SCRIB: variants seen among roughly 807,000 people sequenced by gnomAD.
The protein encoded by SCRIB is scribble planar cell polarity protein.
In SCRIB, 72 loss-of-function variants were observed where a neutral mutation model predicts 170.0. The observed-to-expected ratio is 0.42, with a 90% CI of 0.35 to 0.52. SCRIB has a LOEUF of 0.52. Ranked by LOEUF, SCRIB falls within the 20% of genes least tolerant of loss-of-function variation. The pLI is 0.02. For missense variants in SCRIB, 2,475 were observed against 2,338.5 expected (o/e 1.06, Z -1.20); for synonymous variants, 1,298 against 1,044.3 (o/e 1.24, Z -4.68).
chr8:143,807,150 C>T, intron 16 of SCRIB, 137 bp from the exon 17 acceptor site: 1 of 669,038 alleles, frequency 1.5e-6, no homozygotes, highest in Non-Finnish European at 2.6e-6. Context: ...TGCCACTCAC[C>T]AGCCAGGGCC....
chr8:143,802,182 C>G (rs1056642342), intron 24 of SCRIB, among the ~76,000 whole-genome samples: 19 of 152,396 alleles, frequency 1.2e-4, no homozygotes, highest in Non-Finnish European at 1.3e-4. Context: ...AGGACTCCCT[C>G]AAGGACAGGA....
chr8:143,792,262 C>A lies in SCRIB; in HGVS notation c.4472G>T (p.Arg1491Leu). 6.4e-7 allele frequency: 1 copy of A among 1,571,682 alleles called. No homozygotes were observed. The highest frequency in any genetic ancestry group is 8.6e-7 in the Non-Finnish European group (1 of 1,166,172). ...PERALSPAEL[R>L]ALEAEKRALW... ...CGCACGCTTCTCGGCCTCCAGGGCC[C>A]GGAGCTCGGCAGGGGACAGGGCACG... Residue 1491 changes from arginine (R) to leucine (L), a missense_variant, in exon 32 of 37, where the codon CGG becomes CTG. Transcript: ENST00000356994.
intron 34 of SCRIB, 39 bp downstream of exon 34, chr8:143,791,837 C>A: frequency 6.5e-7 from 1 of 1,538,474 alleles, no homozygotes; most frequent in Admixed American, 2.0e-5. Flanking sequence ...ACCCCCATGC[C>A]TCGGGGGTGA....
rs782722539 is a variant in SCRIB, at chr8:143,805,216, G to C, written c.2566C>G (p.Pro856Ala). 6 of 1,560,964 alleles carry C rather than the reference G, an allele frequency of 3.8e-6. No individual in the cohort carries two copies. The highest frequency in any genetic ancestry group is 4.3e-6 in the Non-Finnish European group (5 of 1,157,932). Residue 856 changes from proline to alanine, a missense_variant, in exon 19 of 37, where the codon CCC (proline) becomes GCC (alanine). This residue lies in a region of SCRIB where 1,966 missense variants were observed against 1,742.9 expected (regional missense o/e 1.13). Coordinates refer to ENST00000356994, the MANE Select transcript of SCRIB (RefSeq NM_182706.5). ...LPLLPPESPG[P>A]LRQRHVACLA... ...CAGGCCACGTGGCGCTGACGGAGGGGCCCGGGGCTCTCAGGCGGGAGCAGG... is the reference window on the plus strand; with the variant it reads ...CAGGCCACGTGGCGCTGACGGAGGGCCCCGGGGCTCTCAGGCGGGAGCAGG...
chr8:143,809,505 C>T, intron 14 of SCRIB, 46 bp downstream of exon 14: 1 of 1,580,756 alleles, frequency 6.3e-7, no homozygotes, highest in Non-Finnish European at 8.6e-7. Flanking sequence ...GAGGCAGCCC[C>T]CACCCAGCAG....
In SCRIB at chr8:143,790,992, G is replaced by A. The variant is rs969764246; in HGVS notation, c.*171C>T. 3 of 573,156 alleles carry A rather than the reference G, an allele frequency of 5.2e-6. No individual in the cohort carries two copies. Among genetic ancestry groups the A allele is most frequent in the African/African-American group, 3.9e-5 (2 of 51,474 alleles). The allele number at this position is 573,156 out of a possible 1,614,324, so 35.5% of individuals were successfully genotyped here. On this transcript the variant is annotated 3_prime_UTR_variant, in exon 37 of 37. Transcript: ENST00000356994. Reference sequence around the variant, plus strand: ...GTCTTTGGTTGTACAAACATCACTAGTTACAGTCTCGCCGAGGTCTCGGCT... The same window carrying A: ...GTCTTTGGTTGTACAAACATCACTAATTACAGTCTCGCCGAGGTCTCGGCT...
chr8:143,808,653 C>T lies in SCRIB; in HGVS notation c.2071G>A (p.Glu691Lys), dbSNP rs763641190. The T allele has an allele frequency of 5.3e-6, 8 of 1,521,836 alleles. No individual in the cohort carries two copies. Among genetic ancestry groups the T allele is most frequent in the East Asian group, 4.5e-5 (2 of 43,966 alleles). 94.3% of individuals were successfully genotyped at this position (1,521,836 alleles called of 1,614,324 possible). A position where few individuals can be genotyped will look rare whatever the true frequency, so the allele number is the denominator to read the frequency against. ...RAEEEEASTE[E>K]EDKEGAVVSA... ...ACCACGGCCCCCTCCTTGTCCTCCT[C>T]CTCAGTGCTGGCCTCTTCCTCTTCA... is the stretch of plus-strand genomic sequence containing the variant. Residue 691 changes from glutamate (E) to lysine (K), a missense_variant, in exon 15 of 37, where the codon GAG (glutamate) becomes AAG (lysine). By Grantham distance (56) the Glu-to-Lys change is moderately conservative. Coordinates refer to ENST00000356994, the MANE Select transcript of SCRIB (RefSeq NM_182706.5).
At position 143,813,540 on chromosome 8, in the gene SCRIB, C is replaced by G. The variant is rs1438857657; in HGVS notation, c.447-14G>C. The G allele has an allele frequency of 6.2e-7, 1 of 1,613,202 alleles. No individual in the cohort carries two copies. The highest frequency in any genetic ancestry group is 8.5e-7 in the Non-Finnish European group (1 of 1,179,950). ...AGGTTGGCGAGGCTGAAAGAGAGAC[C>G]AGGCGCTGGGGCAAGAGGAAGGAAA... On this transcript the variant is annotated splice_polypyrimidine_tract_variant and intron_variant, in intron 4 of 36. Transcript: ENST00000356994.
chr8:143,792,104 C>A lies in SCRIB; in HGVS notation c.4544G>T (p.Arg1515Leu). The A allele has an allele frequency of 6.3e-7, 1 of 1,588,194 alleles. No homozygotes were observed. The highest frequency in any genetic ancestry group is 2.2e-5 in the East Asian group (1 of 44,672). ...GGACCTGCTGAGGACCATCTGTGCT[C>A]GGAGAGCGTCCTGTTCCAATGACTT... ...RMKSLEQDAL[R>L]AQMVLSRSQE... The change falls in exon 33 of 37, where the codon CGA becomes CTA. Residue 1515 changes from arginine (R) to leucine (L), a missense_variant. Physicochemically the swap from Arg to Leu is moderately radical, Grantham distance 102. Transcript: ENST00000356994.
At chr8:143,805,720 G>A (rs377117933) in intron 18 of SCRIB, among the ~76,000 whole-genome samples, 1 of 152,322 alleles carries the variant, frequency 6.6e-6, no homozygotes, top group African/African-American at 2.4e-5. Context: ...GCCACACATG[G>A]CCCCGCTCCT....
chr8:143,805,224 C>T lies in SCRIB; in HGVS notation c.2558G>A (p.Ser853Asn). The change falls in exon 19 of 37, where the codon AGC becomes AAC. Residue 853 changes from serine (S) to asparagine (N), a missense_variant. Coordinates refer to ENST00000356994, the MANE Select transcript of SCRIB (RefSeq NM_182706.5). ...GTGGCGCTGACGGAGGGGCCCGGGG[C>T]TCTCAGGCGGGAGCAGGGGCAGGCG... ...GLRLPLLPPESPGPLRQRHVA... is the reference protein window; with the variant it reads ...GLRLPLLPPENPGPLRQRHVA... The T allele has an allele frequency of 1.9e-6, 3 of 1,551,764 alleles. No individual in the cohort carries two copies. Among genetic ancestry groups the T allele is most frequent in the Non-Finnish European group, 2.6e-6 (3 of 1,153,446 alleles).
At chr8:143,810,850 C>A (rs372039343) in intron 11 of SCRIB, 34 bp from the exon 12 acceptor site, 2 of 1,605,970 alleles carry the variant, frequency 1.2e-6, no homozygotes, top group African/African-American at 2.7e-5. Flanking sequence ...CCAGGCTAGT[C>A]CCCAAACCCT....
chr8:143,805,783 TACTGACCC>T (rs1345131972), intron 18 of SCRIB, among the ~76,000 whole-genome samples: 7 of 152,246 alleles, frequency 4.6e-5, no homozygotes, highest in African/African-American at 1.7e-4. Flanking sequence ...GTCGCTGGGT[TACTGACCC>T]ACACCCCCAC....
intron 16 of SCRIB, 73 bp from the exon 17 acceptor site, chr8:143,807,086 C>G (rs1815463490): frequency 2.8e-6 from 3 of 1,080,042 alleles, no homozygotes; most frequent in Non-Finnish European, 4.1e-6. Context: ...GGAGACCCCA[C>G]CAGCACGCAG....
rs915864380 is a variant in SCRIB at position 143,805,317 on chromosome 8, G to A, written c.2465C>T (p.Ala822Val). Residue 822 changes from alanine to valine, a missense_variant, in exon 19 of 37, where the codon GCG (alanine) becomes GTG (valine). This residue lies in a region of SCRIB where 1,966 missense variants were observed against 1,742.9 expected (regional missense o/e 1.13). Coordinates refer to ENST00000356994, the MANE Select transcript of SCRIB (RefSeq NM_182706.5). ...WRERMVEPENAVTITPLRPED... is the reference protein window; with the variant it reads ...WRERMVEPENVVTITPLRPED... ...GGGCCGCAGCGGCGTGATGGTGACCGCGTTCTCAGGCTCCACCATGCGCTC... is the reference window on the plus strand; with the variant it reads ...GGGCCGCAGCGGCGTGATGGTGACCACGTTCTCAGGCTCCACCATGCGCTC... 12 of 1,544,852 alleles carry A rather than the reference G, an allele frequency of 7.8e-6. No individual in the cohort carries two copies. Among genetic ancestry groups the A allele is most frequent in the Non-Finnish European group, 9.6e-6 (11 of 1,150,990 alleles).
In SCRIB at chr8:143,792,646, G is replaced by A; in HGVS notation, c.4178-11C>T. The A allele has an allele frequency of 6.3e-7, 1 of 1,592,748 alleles. No homozygotes were observed. ...GCTGTAGTTTTCTGGCTGCCGGAGGGCAGGGTGGGTCAGGCCAGACCAGCC... is the reference window on the plus strand; with the variant it reads ...GCTGTAGTTTTCTGGCTGCCGGAGGACAGGGTGGGTCAGGCCAGACCAGCC... On this transcript the variant is annotated splice_polypyrimidine_tract_variant and intron_variant, in intron 30 of 36. Transcript: ENST00000356994.
chr8:143,812,503 G>T, intron 8 of SCRIB, 119 bp from the exon 9 acceptor site: 2 of 811,002 alleles, frequency 2.5e-6, no homozygotes, highest in Non-Finnish European at 4.1e-6. Flanking sequence ...TGCCGCCGCC[G>T]TACTTCGGGA....
chr8:143,800,444 G>A (rs947634989), intron 24 of SCRIB, among the ~76,000 whole-genome samples: 2 of 152,228 alleles, frequency 1.3e-5, no homozygotes, highest in Non-Finnish European at 2.9e-5. Flanking sequence ...AGGGGACAAG[G>A]GAGAGGCCCG....
At chr8:143,806,535 C>T (rs566940675) in intron 17 of SCRIB, 51 bp from the exon 18 acceptor site, 1 of 1,441,116 alleles carries the variant, frequency 6.9e-7, no homozygotes, top group Non-Finnish European at 9.5e-7. Flanking sequence ...GGCCCGCATT[C>T]CTGCTCCTTC....
Sources: allele counts gnomAD v4.1 joint callset (sites outside exome capture counted in the v4.1 genomes callset), GRCh38; gene constraint gnomAD v4.1.1; regional missense constraint gnomAD v4.1.1; transcripts MANE v1.5; gene names NCBI Gene and HGNC (gene_info 2026-07-23, HGNC 2026-07-21).